The following DYM variants were observed in gnomAD, a reference collection of about 807,000 sequenced individuals.
DYM encodes dyggve-Melchior-Clausen syndrome protein.
DYM carries 78 observed loss-of-function variants against 93.1 expected under a neutral mutation model. The ratio of observed to expected loss-of-function variants is 0.84; its 90% CI spans 0.70 to 1.01. The LOEUF (loss-of-function observed/expected upper bound fraction) is 1.01. Among genes scored for constraint, DYM ranks in the 50% least tolerant of loss-of-function variants. The pLI, the probability that DYM is intolerant of heterozygous loss-of-function variation, is 0.00. For missense variants in DYM, 789 were observed against 845.0 expected (o/e 0.93, Z 0.82); for synonymous variants, 321 against 319.7 (o/e 1.00, Z -0.04).
intron 16 of DYM, among the ~76,000 whole-genome samples, chr18:49,104,722 T>C (rs1338847495): frequency 6.6e-6 from 1 of 152,234 alleles, no homozygotes; most frequent in Non-Finnish European, 1.5e-5. Flanking sequence ...TTTATTGATT[T>C]GGTATGTTGA....
At chr18:49,333,216 C>G (rs2063435341) in intron 7 of DYM, among the ~76,000 whole-genome samples, 1 of 152,184 alleles carries the variant, frequency 6.6e-6, no homozygotes, top group Non-Finnish European at 1.5e-5. Flanking sequence ...AGATCGTAAG[C>G]TTCTGCTCAA....
At chr18:49,316,137 C>T (rs965061562) in intron 8 of DYM, among the ~76,000 whole-genome samples, 1 of 152,072 alleles carries the variant, frequency 6.6e-6, no homozygotes, top group Admixed American at 6.6e-5. Flanking sequence ...CTAAAATTAG[C>T]CGGGCGTGGC....
chr18:49,392,678 AT>A (rs1568367504), intron 2 of DYM, among the ~76,000 whole-genome samples: 1 of 83,608 alleles, frequency 1.2e-5, no homozygotes, highest in Non-Finnish European at 2.2e-5. Flanking sequence ...GATGGCTTTT[AT>A]TTAAAAAAAA....
At chr18:49,300,049 A>G (rs1279798870) in intron 8 of DYM, among the ~76,000 whole-genome samples, 6 of 146,194 alleles carry the variant, frequency 4.1e-5, no homozygotes, top group African/African-American at 1.5e-4. Flanking sequence ...CTCGAGAAAA[A>G]AAAAAAAAGC....
At chr18:49,278,318 T>G (rs2094894641) in intron 10 of DYM, among the ~76,000 whole-genome samples, 1 of 152,190 alleles carries the variant, frequency 6.6e-6, no homozygotes, top group African/African-American at 2.4e-5. Context: ...TGCGATATTG[T>G]GCAGGCTCAA....
chr18:49,231,855 C>T (rs187489218), intron 13 of DYM, among the ~76,000 whole-genome samples: 5 of 152,304 alleles, frequency 3.3e-5, no homozygotes. Context: ...TACTAACTAG[C>T]CTTGAAGAGG....
At chr18:49,240,961 G>A (rs939918935) in intron 13 of DYM, among the ~76,000 whole-genome samples, 6 of 152,186 alleles carry the variant, frequency 3.9e-5, no homozygotes, top group African/African-American at 9.7e-5. Flanking sequence ...ATGTGTGTGT[G>A]GTTGTGGAAA....
chr18:49,331,921 A>G lies in DYM; in HGVS notation c.706T>C (p.Phe236Leu). Reference sequence around the variant, plus strand: ...CCTCCCCCATCCGACTGCTGAGGGAAAACATGGGCCCCTGGAGGAGGTGGC... The same window carrying G: ...CCTCCCCCATCCGACTGCTGAGGGAGAACATGGGCCCCTGGAGGAGGTGGC... The part of the protein sequence containing the change: ...EKPPPPGAHV[F>L]PQQSDGGGLL... The change falls in exon 8 of 18, where the codon TTC becomes CTC. Residue 236 changes from phenylalanine to leucine, a missense_variant. By Grantham distance (22) the Phe-to-Leu change is conservative (BLOSUM62 0). Around this residue, in one of 3 missense-constraint regions of DYM, gnomAD observed 450 missense variants for 436.2 expected, o/e 1.03. Coordinates refer to ENST00000675505, the MANE Select transcript of DYM (RefSeq NM_001353214.3). The G allele has an allele frequency of 6.2e-7, 1 of 1,614,188 alleles. No individual in the cohort carries two copies. The highest frequency in any genetic ancestry group is 8.5e-7 in the Non-Finnish European group (1 of 1,180,002).
At chr18:49,079,885 T>C (rs1185003944) in intron 17 of DYM, among the ~76,000 whole-genome samples, 2 of 151,132 alleles carry the variant, frequency 1.3e-5, no homozygotes, top group African/African-American at 4.9e-5. Context: ...AAAACCGCCA[T>C]TGTCATCCCG....
At chr18:49,439,423 C>T (rs989000322) in intron 1 of DYM, among the ~76,000 whole-genome samples, 7 of 152,148 alleles carry the variant, frequency 4.6e-5, no homozygotes, top group East Asian at 1.9e-4. Context: ...GCTGCAATTA[C>T]GTAAAAGCTG....
intron 13 of DYM, among the ~76,000 whole-genome samples, chr18:49,239,755 G>A (rs1244583555): frequency 1.3e-5 from 2 of 152,220 alleles, no homozygotes; most frequent in Admixed American, 6.5e-5. Flanking sequence ...GCTGCTCTAC[G>A]ATGGCAAACA....
chr18:49,313,817 A>G (rs2146411682), intron 8 of DYM, among the ~76,000 whole-genome samples: 1 of 152,238 alleles, frequency 6.6e-6, no homozygotes, highest in African/African-American at 2.4e-5. Context: ...AGAAGAGACA[A>G]TGATGAGGAA....
intron 9 of DYM, among the ~76,000 whole-genome samples, chr18:49,283,898 C>G (rs2095053025): frequency 6.6e-6 from 1 of 152,192 alleles, no homozygotes; most frequent in Admixed American, 6.5e-5. Flanking sequence ...CTCACTTTTC[C>G]TTCCACATTT....
Position 49,041,580 on chromosome 18 carries a change from G to A in DYM, c.*2475C>T, listed in dbSNP as rs2070926811. On this transcript the variant is annotated 3_prime_UTR_variant, in exon 18 of 18. Coordinates refer to ENST00000675505, the MANE Select transcript of DYM (RefSeq NM_001353214.3). Reference sequence around the variant, plus strand: ...GCTGAGGCAGTGATGCACGTGGTGGGGCCTCCCTCCTGAGCGGGAACCAGG... The same window carrying A: ...GCTGAGGCAGTGATGCACGTGGTGGAGCCTCCCTCCTGAGCGGGAACCAGG... 1 of 152,222 alleles carries A rather than the reference G, an allele frequency of 6.6e-6. No homozygotes were observed. Among genetic ancestry groups the A allele is most frequent in the African/African-American group, 2.4e-5 (1 of 41,458 alleles). The allele number at this position is 152,222 out of a possible 1,614,324, so 9.4% of individuals were successfully genotyped here.
rs571415717 is a variant in DYM, at chr18:49,104,221, A to G, written c.1912-6706T>C. Among the ~76,000 whole-genome samples the G allele has an allele frequency of 9.5e-3, 1,441 of 152,094 alleles. 13 individuals carry two copies. The highest frequency in any genetic ancestry group is 0.015 in the Non-Finnish European group (1,023 of 67,960). ...TGATTTGGCTCTCTGTTTGTCTGTT[A>G]TTGGTGTATAAGAATGCTTGTGATT... On this transcript the variant is annotated intron_variant, in intron 16 of 17. Transcript: ENST00000675505.
At chr18:49,320,789 G>C (rs1337366002) in intron 8 of DYM, among the ~76,000 whole-genome samples, 1 of 151,992 alleles carries the variant, frequency 6.6e-6, no homozygotes, top group Non-Finnish European at 1.5e-5. Context: ...TATTTTAAAA[G>C]GGAAAGTTTT....
chr18:49,148,648 C>G (rs545393726), intron 15 of DYM, among the ~76,000 whole-genome samples: 1 of 152,206 alleles, frequency 6.6e-6, no homozygotes, highest in Admixed American at 6.5e-5. Flanking sequence ...AGCTTAAAAA[C>G]AGAACTCAGG....
At chr18:49,270,130 T>C (rs536725531) in intron 11 of DYM, among the ~76,000 whole-genome samples, 17 of 152,316 alleles carry the variant, frequency 1.1e-4, no homozygotes, top group Middle Eastern at 6.8e-3. Context: ...GGCTACACTA[T>C]CTTGGCTGTG....
chr18:49,342,574 T>C (rs980470256), intron 6 of DYM, among the ~76,000 whole-genome samples: 2 of 152,202 alleles, frequency 1.3e-5, no homozygotes, highest in African/African-American at 4.8e-5. Flanking sequence ...ATAAAAATAT[T>C]ACTCATTGTT....
Sources: gnomAD v4.1 joint callset for allele counts (sites outside exome capture counted in the v4.1 genomes callset) on GRCh38, gnomAD v4.1.1 for gene constraint, gnomAD v4.1.1 regional missense constraint, MANE v1.5 for transcripts, NCBI Gene and HGNC (gene_info 2026-07-23, HGNC 2026-07-21) for gene names.